Variants in TAMM41 observed in about 807,000 individuals in gnomAD.
TAMM41 encodes the protein phosphatidate cytidylyltransferase, mitochondrial.
In TAMM41, 36 loss-of-function variants were observed where a neutral mutation model predicts 44.1. The observed-to-expected ratio is 0.82, with a 90% CI of 0.63 to 1.08. The LOEUF (loss-of-function observed/expected upper bound fraction) is 1.08. Ranked by LOEUF, TAMM41 falls within the 50% of genes least tolerant of loss-of-function variation. TAMM41 has a pLI of 0.00. For missense variants in TAMM41, 417 were observed against 404.3 expected (o/e 1.03, Z -0.27); for synonymous variants, 164 against 153.1 (o/e 1.07, Z -0.53).
chr3:11,803,735 C>A (rs2077822452), intron 7 of TAMM41, among the ~76,000 whole-genome samples: 1 of 152,172 alleles, frequency 6.6e-6, no homozygotes, highest in Admixed American at 6.5e-5. Context: ...TATATCTCAC[C>A]TTGAATACTA....
the TAMM41 span, among the ~76,000 whole-genome samples, chr3:11,763,604 C>A: frequency 2.0e-5 from 3 of 152,214 alleles, no homozygotes. Flanking sequence ...CCTGGGTTAT[C>A]TATAAGCAGC....
chr3:11,753,876 C>A, the TAMM41 span, among the ~76,000 whole-genome samples: 1 of 152,034 alleles, frequency 6.6e-6, no homozygotes, highest in East Asian at 1.9e-4. Flanking sequence ...GGGCAAGGGG[C>A]GAGGAGGCCG....
At chr3:11,725,403 C>CTTCTTCTTCTTCT in the TAMM41 span, among the ~76,000 whole-genome samples, 7 of 129,454 alleles carry the variant, frequency 5.4e-5, no homozygotes, top group African/African-American at 1.8e-4. Flanking sequence ...TTTCTTCTTC[C>CTTCTTCTTCTTCT]TCTTCTTCTT....
Position 11,807,835 on chromosome 3 carries a change from G to A in TAMM41, c.935C>T (p.Ala312Val), listed in dbSNP as rs1240049932. 1.3e-5 allele frequency: 20 copies of A among 1,536,142 alleles called. No individual in the cohort carries two copies. In the East Asian group the frequency reaches 4.6e-4, roughly 36 times the overall value. Residue 312 changes from alanine to valine, a missense_variant and splice_region_variant, in exon 7 of 8, where the codon GCT (alanine) becomes GTT (valine). Ala to Val is a moderately conservative substitution (Grantham distance 64, BLOSUM62 0). Transcript: ENST00000455809. The stretch of plus-strand genomic sequence containing the variant: ...ACACGGATTTCCAAAGCTCTTACCA[G>A]CAGTAAAAATGCCTTTCGTGCTCTG... ...IRQSTKGIFT[A>V]GLKKSVIYSS...
intron 4 of TAMM41, among the ~76,000 whole-genome samples, chr3:11,821,401 T>C (rs1404861699): frequency 6.6e-6 from 1 of 152,208 alleles, no homozygotes; most frequent in African/African-American, 2.4e-5. Flanking sequence ...GCCTGCAACC[T>C]AGATTCCTCA....
At chr3:11,805,009 T>C (rs1016751655) in intron 7 of TAMM41, among the ~76,000 whole-genome samples, 4 of 139,944 alleles carry the variant, frequency 2.9e-5, no homozygotes, top group African/African-American at 1.1e-4. Flanking sequence ...TTTTTTTTTT[T>C]TTTTTTTTTT....
chr3:11,842,871 C>T (rs1201264038), intron 2 of TAMM41, among the ~76,000 whole-genome samples: 2 of 152,084 alleles, frequency 1.3e-5, no homozygotes, highest in Non-Finnish European at 2.9e-5. Context: ...CATCCCTGGC[C>T]CAGGGAAGCT....
the TAMM41 span, among the ~76,000 whole-genome samples, chr3:11,745,448 T>C: frequency 6.6e-6 from 1 of 152,306 alleles, no homozygotes; most frequent in African/African-American, 2.4e-5. Flanking sequence ...GATAAATGAA[T>C]GGATAAAAAA....
the TAMM41 span, among the ~76,000 whole-genome samples, chr3:11,737,771 G>A: frequency 6.6e-6 from 1 of 152,170 alleles, no homozygotes; most frequent in Non-Finnish European, 1.5e-5. Context: ...CAGCAAAGTT[G>A]AAATTAACAA....
chr3:11,772,954 TTTCTTTCTC>T, the TAMM41 span, among the ~76,000 whole-genome samples: 2 of 152,042 alleles, frequency 1.3e-5, no homozygotes, highest in Admixed American at 6.6e-5. Flanking sequence ...AACTCAGGTC[TTTCTTTCTC>T]TCTCTTTTTT....
At position 11,846,362 on chromosome 3, in the gene TAMM41, G is replaced by A. The variant is rs2079690796; in HGVS notation, c.135+140C>T. On this transcript the variant is annotated intron_variant, in intron 1 of 7. Coordinates refer to ENST00000455809, the MANE Select transcript of TAMM41 (RefSeq NM_001284401.2). ...CTCGCGCTGTCGTTATACTAGGAAG[G>A]CAGGCCTATGGTTCACTCTGCTAGT... The A allele has an allele frequency of 7.1e-6, 7 of 988,154 alleles. No individual in the cohort carries two copies. In the Admixed American group the frequency reaches 1.1e-4, roughly 16 times the overall value. 61.2% of individuals were successfully genotyped at this position (988,154 alleles called of 1,614,324 possible).
At chr3:11,737,046 C>T in the TAMM41 span, among the ~76,000 whole-genome samples, 17 of 152,122 alleles carry the variant, frequency 1.1e-4, no homozygotes, top group South Asian at 4.2e-4. Context: ...AGATGGCTCC[C>T]GGGGCAGCCC....
the TAMM41 span, among the ~76,000 whole-genome samples, chr3:11,753,053 AGCT>A: frequency 3.3e-5 from 5 of 152,136 alleles, no homozygotes; most frequent in Non-Finnish European, 5.9e-5. Context: ...ATCAGGATGA[AGCT>A]GATAGGAGGA....
At chr3:11,826,294 G>A (rs905158540) in intron 4 of TAMM41, among the ~76,000 whole-genome samples, 2 of 152,164 alleles carry the variant, frequency 1.3e-5, no homozygotes, top group Non-Finnish European at 2.9e-5. Context: ...AGCACTCGGG[G>A]AGGCCGAGGC....
chr3:11,844,304 G>C (rs1295552472), intron 1 of TAMM41, 93 bp from the exon 2 acceptor site: 4 of 1,224,608 alleles, frequency 3.3e-6, no homozygotes, highest in Non-Finnish European at 4.5e-6. Flanking sequence ...ACGCAATTAT[G>C]ATCAATAGTC....
the TAMM41 span, among the ~76,000 whole-genome samples, chr3:11,780,573 T>C: frequency 6.6e-6 from 1 of 152,200 alleles, no homozygotes; most frequent in African/African-American, 2.4e-5. Context: ...TCCTCATGCA[T>C]GTAATAGGGA....
chr3:11,826,184 C>A (rs2078739914), intron 4 of TAMM41, among the ~76,000 whole-genome samples: 1 of 152,088 alleles, frequency 6.6e-6, no homozygotes, highest in South Asian at 2.1e-4. Flanking sequence ...AACAATAATA[C>A]ATAAAAATAA....
At chr3:11,800,064 C>A (rs971820612) in intron 7 of TAMM41, among the ~76,000 whole-genome samples, 1 of 152,152 alleles carries the variant, frequency 6.6e-6, no homozygotes, top group Non-Finnish European at 1.5e-5. Context: ...ACCACTAGAC[C>A]AGCCCTATAG....
intron 7 of TAMM41, among the ~76,000 whole-genome samples, chr3:11,795,891 C>T (rs917799346): frequency 6.6e-6 from 1 of 152,140 alleles, no homozygotes; most frequent in South Asian, 2.1e-4. Context: ...TTTTAGGAGG[C>T]TAAATAGTCT....
Sources: allele counts gnomAD v4.1 joint callset (sites outside exome capture counted in the v4.1 genomes callset), GRCh38; gene constraint gnomAD v4.1.1; transcripts MANE v1.5; gene names NCBI Gene and HGNC (gene_info 2026-07-23, HGNC 2026-07-21).